RCOR1: variants seen among roughly 807,000 people sequenced by gnomAD.
RCOR1 encodes REST corepressor 1.
Under a neutral mutation model 64.0 loss-of-function variants are expected in RCOR1, and 12 were observed. That is an observed-to-expected ratio of 0.19 (90% confidence interval 0.12 to 0.30). RCOR1 has a LOEUF of 0.30. Ranked by LOEUF, RCOR1 falls within the 10% of genes least tolerant of loss-of-function variation. The pLI is 1.00. For missense variants in RCOR1, 502 were observed against 621.2 expected, an observed-to-expected ratio of 0.81 and a Z score of 2.04; for synonymous variants, 279 against 227.2, an observed-to-expected ratio of 1.23 and a Z score of -2.05.
intron 2 of RCOR1, among the ~76,000 whole-genome samples, chr14:102,599,814 T>G (rs1244717698): frequency 6.6e-6 from 1 of 151,716 alleles, no homozygotes; most frequent in Non-Finnish European, 1.5e-5. Flanking sequence ...TTTTGTTTTT[T>G]TTTTTTGAAA....
At chr14:102,692,828 C>T (rs1178070182) in intron 3 of RCOR1, among the ~76,000 whole-genome samples, 1 of 147,568 alleles carries the variant, frequency 6.8e-6, no homozygotes, top group Non-Finnish European at 1.5e-5. Flanking sequence ...TGCATTGGCA[C>T]AGTCTCAGCC....
chr14:102,699,745 A>G (rs1379457584), intron 3 of RCOR1, among the ~76,000 whole-genome samples: 1 of 147,030 alleles, frequency 6.8e-6, no homozygotes, highest in Non-Finnish European at 1.5e-5. Flanking sequence ...ATACAGTTCT[A>G]TGCTCCTTGA....
At chr14:102,682,846 C>T (rs1895333457) in intron 3 of RCOR1, among the ~76,000 whole-genome samples, 1 of 152,164 alleles carries the variant, frequency 6.6e-6, no homozygotes, top group South Asian at 2.1e-4. Flanking sequence ...AGATGGCATC[C>T]CATAGTTCAA....
chr14:102,668,552 A>G (rs1163185839), intron 2 of RCOR1, among the ~76,000 whole-genome samples: 2 of 152,166 alleles, frequency 1.3e-5, no homozygotes, highest in Non-Finnish European at 2.9e-5. Flanking sequence ...CTATCTGCTG[A>G]AGCCCTTTCT....
chr14:102,729,870 G>T lies in RCOR1; in HGVS notation c.*3364G>T, dbSNP rs1896336551. 1 of 398,866 alleles carries T rather than the reference G, an allele frequency of 2.5e-6. No individual in the cohort carries two copies. Among genetic ancestry groups the T allele is most frequent in the Non-Finnish European group, 4.4e-6 (1 of 226,052 alleles). 24.7% of individuals were successfully genotyped at this position (398,866 alleles called of 1,614,324 possible). On this transcript the variant is annotated 3_prime_UTR_variant, in exon 12 of 12. Transcript: ENST00000262241. ...CAACGAGGGCCTCTTTTTCTCTCTTGTCTAGCCTGTTTCTAAACCGAATGA... is the reference window on the plus strand; with the variant it reads ...CAACGAGGGCCTCTTTTTCTCTCTTTTCTAGCCTGTTTCTAAACCGAATGA...
rs1896305832 is a variant in RCOR1 at position 102,728,070 on chromosome 14, C to T, written c.*1564C>T. The T allele has an allele frequency of 1.3e-5, 2 of 152,526 alleles. No individual in the cohort carries two copies. Among genetic ancestry groups the T allele is most frequent in the Non-Finnish European group, 2.9e-5 (2 of 68,028 alleles). The allele number at this position is 152,526 out of a possible 1,614,324, so 9.4% of individuals were successfully genotyped here. A position where few individuals can be genotyped will look rare whatever the true frequency, so the allele number is the denominator to read the frequency against. On this transcript the variant is annotated 3_prime_UTR_variant, in exon 12 of 12. Transcript: ENST00000262241. The stretch of plus-strand genomic sequence containing the variant: ...AATTAAAGTTTGATATGTTTTGTCT[C>T]CCAAGCACCTTGTTTTTTGTTGTTG...
intron 8 of RCOR1, among the ~76,000 whole-genome samples, chr14:102,718,207 T>G (rs1166967324): frequency 6.6e-6 from 1 of 152,188 alleles, no homozygotes; most frequent in African/African-American, 2.4e-5. Flanking sequence ...CTTTTCATCT[T>G]GCTTGTTGCC....
At chr14:102,687,549 C>T (rs1258909082) in intron 3 of RCOR1, among the ~76,000 whole-genome samples, 1 of 152,140 alleles carries the variant, frequency 6.6e-6, no homozygotes. Context: ...GTTGAGGAAG[C>T]GTAAATAATT....
At chr14:102,651,365 C>T (rs975140819) in intron 2 of RCOR1, among the ~76,000 whole-genome samples, 7 of 151,932 alleles carry the variant, frequency 4.6e-5, no homozygotes, top group Non-Finnish European at 8.8e-5. Flanking sequence ...TGAGCCTGAC[C>T]AACACAGTGA....
rs143652113 is a variant in RCOR1, at chr14:102,672,222, T to C, written c.362-9673T>C. On this transcript the variant is annotated intron_variant, in intron 2 of 11. Transcript: ENST00000262241. ...TTTCTGGGTTATATGATAATTTTTT[T>C]TCTTTTTTGAGATGGAGTCTCGCTC... 4.5e-4 allele frequency among the ~76,000 whole-genome samples: 69 copies of C among 152,262 alleles called. No individual in the cohort carries two copies. The East Asian group carries it at 0.013, about 29-fold the overall frequency.
rs934755008 is a variant in RCOR1, at chr14:102,730,252, G to T, written c.*3746G>T. The T allele has an allele frequency of 2.7e-6, 1 of 373,928 alleles. No homozygotes were observed. Among genetic ancestry groups the T allele is most frequent in the African/African-American group, 2.1e-5 (1 of 48,238 alleles). 23.2% of individuals were successfully genotyped at this position (373,928 alleles called of 1,614,324 possible). On this transcript the variant is annotated 3_prime_UTR_variant, in exon 12 of 12. Transcript: ENST00000262241. ...TTCAAGATTTTAAAAGATGTATAAG[G>T]TTAAGTTTGCAAATATAATGGAAAT...
intron 2 of RCOR1, among the ~76,000 whole-genome samples, chr14:102,627,345 G>A (rs541459756): frequency 5.3e-5 from 8 of 152,168 alleles, no homozygotes; most frequent in South Asian, 4.1e-4. Flanking sequence ...CGTATTAAAC[G>A]GGCTATTACT....
chr14:102,649,921 C>T (rs993258361), intron 2 of RCOR1: 4 of 355,430 alleles, frequency 1.1e-5, no homozygotes, highest in African/African-American at 4.5e-5. Flanking sequence ...GGCCTTGGGC[C>T]GGGCGCGGTG....
intron 2 of RCOR1, among the ~76,000 whole-genome samples, chr14:102,647,939 A>G (rs1334468029): frequency 1.3e-5 from 2 of 152,124 alleles, no homozygotes; most frequent in African/African-American, 2.4e-5. Flanking sequence ...TTGTGCTCCC[A>G]AAGTGCTGAG....
rs977014377 is a variant in RCOR1 at position 102,710,660 on chromosome 14, G to A, written c.780-275G>A. ...TTGATATTTTCAGTTTACAGATATAGAGCAATAGTGTTTTAGATCTGGATT... is the reference window on the plus strand; with the variant it reads ...TTGATATTTTCAGTTTACAGATATAAAGCAATAGTGTTTTAGATCTGGATT... On this transcript the variant is annotated intron_variant, in intron 6 of 11. Transcript: ENST00000262241. 7.7e-5 allele frequency: 29 copies of A among 378,240 alleles called. No homozygotes were observed. In the Admixed American group the frequency reaches 1.3e-3, roughly 16 times the overall value. The allele number at this position is 378,240 out of a possible 1,614,324, so 23.4% of individuals were successfully genotyped here. A position where few individuals can be genotyped will look rare whatever the true frequency, so the allele number is the denominator to read the frequency against.
chr14:102,671,506 T>C (rs1051600006), intron 2 of RCOR1, among the ~76,000 whole-genome samples: 4 of 152,130 alleles, frequency 2.6e-5, no homozygotes, highest in Admixed American at 1.3e-4. Flanking sequence ...AGCAATCCTT[T>C]AGCCTCACCC....
intron 7 of RCOR1, among the ~76,000 whole-genome samples, chr14:102,712,699 G>C (rs1258283464): frequency 1.4e-5 from 2 of 139,422 alleles, no homozygotes; most frequent in African/African-American, 5.3e-5. Flanking sequence ...TCACCAAATT[G>C]GAAATTGGTC....
At chr14:102,653,920 C>CTTCTTTCTTTCTTTCTTTCTTTCTTTCT (rs553960381) in intron 2 of RCOR1, among the ~76,000 whole-genome samples, 29 of 98,924 alleles carry the variant, frequency 2.9e-4, no homozygotes, top group Admixed American at 1.0e-3. Context: ...CAGGTATTTC[C>CTTCTTTCTTTCTTTCTTTCTTTCTTTCT]TTCTTTCTTT....
intron 3 of RCOR1, among the ~76,000 whole-genome samples, chr14:102,689,831 C>A (rs1206296265): frequency 6.6e-6 from 1 of 152,110 alleles, no homozygotes; most frequent in Non-Finnish European, 1.5e-5. Flanking sequence ...GCAACCTCTG[C>A]CTCCCAGGTT....
Sources: allele counts gnomAD v4.1 joint callset (sites outside exome capture counted in the v4.1 genomes callset), GRCh38; gene constraint gnomAD v4.1.1; transcripts MANE v1.5; gene names NCBI Gene and HGNC (gene_info 2026-07-23, HGNC 2026-07-21).